FHIT: variants seen among roughly 807,000 people sequenced by gnomAD.
FHIT encodes fragile histidine triad diadenosine triphosphatase, also known as bis(5'-adenosyl)-triphosphatase.
FHIT carries 19 observed loss-of-function variants against 17.9 expected under a neutral mutation model. The observed-to-expected ratio is 1.06, with a 90% confidence interval of 0.74 to 1.56. The LOEUF is 1.56. Ranked by LOEUF, FHIT falls within the 40% of genes most tolerant of loss-of-function variation. The pLI is 0.00. For synonymous variants in FHIT, 81 were observed against 69.7 expected, an observed-to-expected ratio of 1.16 and a Z score of -0.81; for missense variants, 248 against 189.2, an observed-to-expected ratio of 1.31 and a Z score of -1.82.
rs77604440 is a variant in FHIT at position 59,935,143 on chromosome 3, A to G, written c.280-12729T>C. Among the ~76,000 whole-genome samples the G allele has an allele frequency of 1.4e-3, 208 of 152,170 alleles. 2 individuals carry two copies. The highest frequency in any genetic ancestry group is 3.8e-3 in the African/African-American group (158 of 41,536). ...GCAGGAGCTCAGAGGTTCTTGTAAA[A>G]TTGGTTCTGCTTGCTGCTGGGTGGG... On this transcript the variant is annotated intron_variant, in intron 7 of 9. Coordinates refer to ENST00000492590, the MANE Select transcript of FHIT (RefSeq NM_002012.4).
At chr3:59,868,458 C>A (rs1443342412) in intron 8 of FHIT, among the ~76,000 whole-genome samples, 1 of 152,188 alleles carries the variant, frequency 6.6e-6, no homozygotes, top group Non-Finnish European at 1.5e-5. Context: ...GCTCAAGCAT[C>A]CCTTGATATA....
chr3:60,705,503 A>C (rs1283968721), intron 4 of FHIT, among the ~76,000 whole-genome samples: 10 of 152,230 alleles, frequency 6.6e-5, no homozygotes, highest in African/African-American at 2.2e-4. Flanking sequence ...ACTTTTTTAA[A>C]AAATAGAAAA....
chr3:61,148,955 C>A (rs73093396), intron 2 of FHIT, among the ~76,000 whole-genome samples: 7,831 of 152,240 alleles, frequency 0.051, 241 homozygotes, highest in Middle Eastern at 0.12. Context: ...TCTTCTGGAT[C>A]TTCATGCCAC....
chr3:59,873,687 A>G (rs1402177159), intron 8 of FHIT, among the ~76,000 whole-genome samples: 1 of 152,180 alleles, frequency 6.6e-6, no homozygotes, highest in African/African-American at 2.4e-5. Flanking sequence ...TGGGACAAGC[A>G]CACATGCCTC....
At chr3:60,495,854 G>C (rs1480095768) in intron 5 of FHIT, among the ~76,000 whole-genome samples, 1 of 152,122 alleles carries the variant, frequency 6.6e-6, no homozygotes, top group African/African-American at 2.4e-5. Flanking sequence ...TATCATTAAA[G>C]CTCAAAGAGA....
intron 8 of FHIT, among the ~76,000 whole-genome samples, chr3:59,840,280 G>C (rs1701483369): frequency 6.6e-6 from 1 of 151,866 alleles, no homozygotes; most frequent in Non-Finnish European, 1.5e-5. Context: ...GCCCCACTGA[G>C]GTTACCAACT....
Position 59,843,620 on chromosome 3 carries a change from T to G in FHIT, c.348+78726A>C, listed in dbSNP as rs145629863. 1.1e-3 allele frequency among the ~76,000 whole-genome samples: 167 copies of G among 152,360 alleles called. 4 individuals are homozygous for G. In the East Asian group the frequency reaches 0.03, roughly 27 times the overall value. On this transcript the variant is annotated intron_variant, in intron 8 of 9. Transcript: ENST00000492590. ...AGTTTTCACTGTACAAGTTTTTCAC[T>G]TCTTTGGTTAAGCTAATTCCTAAGT...
intron 4 of FHIT, among the ~76,000 whole-genome samples, chr3:60,624,320 G>A (rs1347607387): frequency 2.6e-5 from 4 of 152,164 alleles, no homozygotes; most frequent in African/African-American, 9.7e-5. Flanking sequence ...ACTTGACAAT[G>A]ATGAACACAT....
intron 3 of FHIT, among the ~76,000 whole-genome samples, chr3:60,976,386 C>T (rs962072994): frequency 1.3e-5 from 2 of 152,038 alleles, no homozygotes; most frequent in African/African-American, 2.4e-5. Flanking sequence ...AGATTCCAGG[C>T]GTGAGCCACC....
intron 3 of FHIT, among the ~76,000 whole-genome samples, chr3:61,019,956 G>C (rs2032323822): frequency 1.3e-5 from 2 of 152,012 alleles, no homozygotes; most frequent in Non-Finnish European, 1.5e-5. Flanking sequence ...ATAGTGGTTT[G>C]CTGCACCCAC....
chr3:61,071,314 A>C (rs1213695765), intron 2 of FHIT, among the ~76,000 whole-genome samples: 1 of 152,350 alleles, frequency 6.6e-6, no homozygotes, highest in Middle Eastern at 3.4e-3. Flanking sequence ...TAGACTATAC[A>C]ACATACTTGG....
At chr3:60,026,420 G>C (rs1052656619) in intron 5 of FHIT, among the ~76,000 whole-genome samples, 3 of 152,034 alleles carry the variant, frequency 2.0e-5, no homozygotes, top group African/African-American at 7.2e-5. Flanking sequence ...ACTAGCACCA[G>C]TGTTATCGTT....
intron 3 of FHIT, among the ~76,000 whole-genome samples, chr3:60,920,668 C>T (rs1415284693): frequency 6.6e-6 from 1 of 152,124 alleles, no homozygotes; most frequent in Non-Finnish European, 1.5e-5. Flanking sequence ...ATTCCACGAT[C>T]AACATGTGGA....
chr3:60,093,164 C>T (rs879941132), intron 5 of FHIT, among the ~76,000 whole-genome samples: 2 of 152,132 alleles, frequency 1.3e-5, no homozygotes, highest in African/African-American at 4.8e-5. Flanking sequence ...TGACACAGGT[C>T]TCCAGGTGTG....
Position 59,749,557 on chromosome 3 carries a change from G to A in FHIT, c.*28C>T, listed in dbSNP as rs896433919. ...ACTGGTTGGCAATAGCTCTTTTGCT[G>A]GAATTCAGGATCTGAAAAACATCTT... On this transcript the variant is annotated 3_prime_UTR_variant, in exon 10 of 10. Coordinates refer to ENST00000492590, the MANE Select transcript of FHIT (RefSeq NM_002012.4). The A allele has an allele frequency of 3.0e-5, 7 of 231,160 alleles. No homozygotes were observed. Among genetic ancestry groups the A allele is most frequent in the South Asian group, 1.8e-4 (1 of 5,506 alleles). 14.3% of individuals were successfully genotyped at this position (231,160 alleles called of 1,614,324 possible).
At chr3:60,858,483 T>G (rs782421795) in intron 3 of FHIT, among the ~76,000 whole-genome samples, 5 of 152,152 alleles carry the variant, frequency 3.3e-5, no homozygotes, top group African/African-American at 4.8e-5. Flanking sequence ...GCACTTTCAT[T>G]CTAAAGGAAG....
At chr3:61,004,622 C>A (rs1031824387) in intron 3 of FHIT, among the ~76,000 whole-genome samples, 1 of 152,132 alleles carries the variant, frequency 6.6e-6, no homozygotes, top group Non-Finnish European at 1.5e-5. Context: ...AGGAACATAG[C>A]CAGCTCAAAG....
intron 5 of FHIT, among the ~76,000 whole-genome samples, chr3:60,490,668 T>C (rs1031193731): frequency 2.2e-5 from 3 of 138,990 alleles, no homozygotes; most frequent in African/African-American, 7.8e-5. Flanking sequence ...ACTTGATTTG[T>C]ACCAAAAAAA....
intron 2 of FHIT, among the ~76,000 whole-genome samples, chr3:61,177,876 T>C (rs1388923484): frequency 6.6e-6 from 1 of 152,194 alleles, no homozygotes; most frequent in African/African-American, 2.4e-5. Context: ...CAGATTGTCA[T>C]CAGATAGACA....
Sources: allele counts gnomAD v4.1 joint callset (sites outside exome capture counted in the v4.1 genomes callset), GRCh38; gene constraint gnomAD v4.1.1; transcripts MANE v1.5; gene names NCBI Gene and HGNC (gene_info 2026-07-23, HGNC 2026-07-21).